The following ABCA13 variants were observed in gnomAD, a reference collection of about 807,000 sequenced individuals.
ABCA13 encodes the protein ATP-binding cassette sub-family A member 13.
Under a neutral mutation model 478.7 loss-of-function variants are expected in ABCA13, and 476 were observed. That is an observed-to-expected ratio of 0.99 (90% CI 0.92 to 1.07). The LOEUF is 1.07. ABCA13 is among the 50% of genes least tolerant of loss of function. ABCA13 has a pLI of 0.00. For missense variants in ABCA13, 6,060 were observed against 5,910.6 expected (o/e 1.03, Z -0.83); for synonymous variants, 2,252 against 2,158.9 (o/e 1.04, Z -1.20).
At chr7:48,217,557 T>C (rs1786671167) in intron 3 of ABCA13, among the ~76,000 whole-genome samples, 1 of 152,140 alleles carries the variant, frequency 6.6e-6, no homozygotes, top group African/African-American at 2.4e-5. Flanking sequence ...AAAGATAATC[T>C]CCCAAGTGTG....
chr7:48,208,646 T>G (rs1158768060), intron 3 of ABCA13, among the ~76,000 whole-genome samples: 1 of 152,240 alleles, frequency 6.6e-6, no homozygotes, highest in African/African-American at 2.4e-5. Context: ...TGATTTTTCT[T>G]TGTTAATTTT....
At chr7:48,295,961 A>G (rs1799304761) in intron 21 of ABCA13, 98 bp downstream of exon 21, 4 of 1,390,750 alleles carry the variant, frequency 2.9e-6, no homozygotes, top group Non-Finnish European at 3.8e-6. Context: ...AGTGGTCTGT[A>G]TAATATACTC....
At chr7:48,289,134 G>A (rs922050923) in intron 20 of ABCA13, among the ~76,000 whole-genome samples, 5 of 152,132 alleles carry the variant, frequency 3.3e-5, no homozygotes, top group African/African-American at 1.2e-4. Context: ...CCTTGGTGAA[G>A]TGTCAGGAGG....
intron 59 of ABCA13, among the ~76,000 whole-genome samples, chr7:48,627,649 T>C (rs1269152275): frequency 6.6e-6 from 1 of 152,194 alleles, no homozygotes; most frequent in African/African-American, 2.4e-5. Flanking sequence ...CCTGCGTTAA[T>C]CCATTTGCTG....
chr7:48,587,335 A>G (rs538836888), intron 57 of ABCA13, 47 bp downstream of exon 57: 3 of 1,525,104 alleles, frequency 2.0e-6, no homozygotes, highest in East Asian at 2.4e-5. Context: ...CATATTGCAT[A>G]TTGATTTATA....
At chr7:48,313,024 T>G in intron 24 of ABCA13, 43 bp from the exon 25 acceptor site, 2 of 1,491,180 alleles carry the variant, frequency 1.3e-6, no homozygotes, top group Non-Finnish European at 1.8e-6. Flanking sequence ...AAAAATACAG[T>G]GTTGGTTATT....
At chr7:48,339,046 G>C (rs1009736184) in intron 29 of ABCA13, among the ~76,000 whole-genome samples, 4 of 152,170 alleles carry the variant, frequency 2.6e-5, no homozygotes, top group Non-Finnish European at 4.4e-5. Context: ...CAAAATCAGC[G>C]ATCAGGGCCC....
chr7:48,604,141 G>A (rs1398989509), intron 58 of ABCA13, among the ~76,000 whole-genome samples: 1 of 151,828 alleles, frequency 6.6e-6, no homozygotes, highest in African/African-American at 2.4e-5. Context: ...TATTAATCTG[G>A]CTAGTAGTCT....
chr7:48,389,066 G>A lies in ABCA13; in HGVS notation c.11500G>A (p.Glu3834Lys). Residue 3834 changes from glutamate to lysine, a missense_variant, in exon 37 of 62, where the codon GAG (glutamate) becomes AAG (lysine). Physicochemically the swap from Glu to Lys is moderately conservative, Grantham distance 56. This residue lies in a region of ABCA13 where 1,627 missense variants were observed against 1,571.0 expected (regional missense o/e 1.04). Transcript: ENST00000435803. The part of the protein sequence containing the change: ...KGSSLQNREG[E>K]LEGSAPGVTL... The stretch of plus-strand genomic sequence containing the variant: ...GTCATCACTGCAAAACAGGGAAGGA[G>A]AGCTTGAAGGAAGTGCCCCGGGAGT... 6.2e-7 allele frequency: 1 copy of A among 1,613,852 alleles called. No homozygotes were observed. The highest frequency in any genetic ancestry group is 8.5e-7 in the Non-Finnish European group (1 of 1,179,814).
chr7:48,284,515 C>G (rs1200717888), intron 19 of ABCA13, among the ~76,000 whole-genome samples: 1 of 152,084 alleles, frequency 6.6e-6, no homozygotes, highest in Non-Finnish European at 1.5e-5. Context: ...ACTTCTTCCT[C>G]GTTCTTGAAT....
intron 59 of ABCA13, among the ~76,000 whole-genome samples, chr7:48,616,373 G>A (rs1792571163): frequency 6.6e-6 from 1 of 152,128 alleles, no homozygotes; most frequent in Non-Finnish European, 1.5e-5. Flanking sequence ...TATGTACTCT[G>A]CCCATCTTTA....
At chr7:48,543,864 C>A in intron 55 of ABCA13, among the ~76,000 whole-genome samples, 1 of 151,214 alleles carries the variant, frequency 6.6e-6, no homozygotes, top group Admixed American at 6.6e-5. Flanking sequence ...GAATATAAAT[C>A]ATAATTTTAC....
intron 59 of ABCA13, chr7:48,627,165 A>G (rs1466695781): frequency 3.3e-6 from 2 of 610,586 alleles, no homozygotes; most frequent in African/African-American, 4.0e-5. Context: ...TTCACAATAA[A>G]GAAACTGAGA....
chr7:48,639,789 G>A (rs148287887), intron 59 of ABCA13, among the ~76,000 whole-genome samples: 33 of 152,176 alleles, frequency 2.2e-4, no homozygotes, highest in African/African-American at 5.8e-4. Flanking sequence ...AATTTTATGC[G>A]TTTAATTTTT....
intron 41 of ABCA13, among the ~76,000 whole-genome samples, chr7:48,425,673 GTT>G (rs768164981): frequency 1.3e-5 from 2 of 152,136 alleles, no homozygotes; most frequent in Non-Finnish European, 2.9e-5. Context: ...GCCAGGCATC[GTT>G]TTTATAACTT....
intron 42 of ABCA13, among the ~76,000 whole-genome samples, chr7:48,430,304 G>T (rs541004551): frequency 5.9e-5 from 9 of 152,202 alleles, no homozygotes; most frequent in Non-Finnish European, 8.8e-5. Context: ...TTTCATTTCA[G>T]TCGTTATGCT....
intron 41 of ABCA13, among the ~76,000 whole-genome samples, chr7:48,420,749 CT>C (rs1263145822): frequency 7.3e-6 from 1 of 136,562 alleles, no homozygotes; most frequent in African/African-American, 2.8e-5. Context: ...TTTTTTTTGA[CT>C]TTTTTTTAGA....
intron 41 of ABCA13, among the ~76,000 whole-genome samples, chr7:48,414,811 CT>C (rs1819753180): frequency 2.0e-5 from 3 of 152,018 alleles, no homozygotes; most frequent in Non-Finnish European, 2.9e-5. Flanking sequence ...AACAGTTTGC[CT>C]GGTTTCCCAA....
At chr7:48,181,868 G>T (rs1363449538) in intron 1 of ABCA13, among the ~76,000 whole-genome samples, 1 of 152,010 alleles carries the variant, frequency 6.6e-6, no homozygotes, top group Non-Finnish European at 1.5e-5. Context: ...GAGCCATTTT[G>T]ACTTAAGAAA....
Sources: gnomAD v4.1 joint callset for allele counts (sites outside exome capture counted in the v4.1 genomes callset) on GRCh38, gnomAD v4.1.1 for gene constraint, gnomAD v4.1.1 regional missense constraint, MANE v1.5 for transcripts, NCBI Gene and HGNC (gene_info 2026-07-23, HGNC 2026-07-21) for gene names.